GALNTL6: variants seen among roughly 807,000 people sequenced by gnomAD.
GALNTL6 encodes the protein polypeptide N-acetylgalactosaminyltransferase-like 6.
GALNTL6 carries 46 observed loss-of-function variants against 73.7 expected under a neutral mutation model. That is an observed-to-expected ratio of 0.62 (90% CI 0.49 to 0.80). GALNTL6 has a LOEUF of 0.80. Among genes scored for constraint, GALNTL6 ranks in the 30% least tolerant of loss-of-function variants. The probability of loss-of-function intolerance (pLI) is 0.00; values close to 1 mark genes in which losing one functional copy is unlikely to be tolerated. For missense variants in GALNTL6, 604 were observed against 755.0 expected (o/e 0.80, Z 2.34); for synonymous variants, 259 against 263.7 (o/e 0.98, Z 0.17).
chr4:172,892,057 A>C (rs1746061844), intron 8 of GALNTL6, among the ~76,000 whole-genome samples: 3 of 152,058 alleles, frequency 2.0e-5, no homozygotes, highest in African/African-American at 7.2e-5. Context: ...TTTTCTCTTG[A>C]ATTTCATTGA....
chr4:172,726,988 G>C (rs1263565102), intron 5 of GALNTL6, among the ~76,000 whole-genome samples: 1 of 152,076 alleles, frequency 6.6e-6, no homozygotes, highest in African/African-American at 2.4e-5. Context: ...GACTCTCAAA[G>C]GCGAAAGACA....
At chr4:172,205,445 T>C (rs183245867) in intron 2 of GALNTL6, among the ~76,000 whole-genome samples, 145 of 152,332 alleles carry the variant, frequency 9.5e-4, no homozygotes, top group Non-Finnish European at 1.5e-3. Context: ...TTTAGTGTCC[T>C]GAGCGACTTA....
intron 5 of GALNTL6, among the ~76,000 whole-genome samples, chr4:172,683,899 T>C (rs1017258903): frequency 1.3e-5 from 2 of 152,216 alleles, no homozygotes; most frequent in African/African-American, 4.8e-5. Context: ...CAGTTTCAAC[T>C]GCAGGCATTA....
intron 2 of GALNTL6, among the ~76,000 whole-genome samples, chr4:172,125,429 C>A (rs755105242): frequency 3.9e-4 from 59 of 152,126 alleles, no homozygotes; most frequent in Admixed American, 1.4e-3. Flanking sequence ...TTACTAAGAG[C>A]AAACACTTCA....
intron 5 of GALNTL6, among the ~76,000 whole-genome samples, chr4:172,434,246 G>A (rs963400026): frequency 4.6e-5 from 7 of 151,980 alleles, no homozygotes; most frequent in African/African-American, 1.7e-4. Context: ...TGTTATACAA[G>A]ACATATTTGG....
intron 7 of GALNTL6, among the ~76,000 whole-genome samples, chr4:172,842,104 A>G (rs1024072025): frequency 2.6e-5 from 4 of 152,230 alleles, no homozygotes; most frequent in Non-Finnish European, 5.9e-5. Context: ...GTCAGAGTTC[A>G]CAAGTAGCAG....
chr4:171,897,589 G>A (rs948249820), intron 2 of GALNTL6, among the ~76,000 whole-genome samples: 27 of 152,204 alleles, frequency 1.8e-4, no homozygotes, highest in African/African-American at 4.8e-4. Context: ...TTGGGAGGCC[G>A]AGGCATGTGG....
At chr4:172,077,219 A>C (rs990605581) in intron 2 of GALNTL6, among the ~76,000 whole-genome samples, 13 of 152,198 alleles carry the variant, frequency 8.5e-5, no homozygotes, top group Admixed American at 8.5e-4. Context: ...CTATAAAGAT[A>C]CCTGAAAATG....
At chr4:171,903,218 T>C (rs1737156287) in intron 2 of GALNTL6, among the ~76,000 whole-genome samples, 1 of 152,072 alleles carries the variant, frequency 6.6e-6, no homozygotes, top group Non-Finnish European at 1.5e-5. Flanking sequence ...TTTCTGCATT[T>C]CCATCTGAGG....
chr4:172,806,912 G>C (rs1740994741), intron 5 of GALNTL6, among the ~76,000 whole-genome samples: 1 of 152,156 alleles, frequency 6.6e-6, no homozygotes, highest in African/African-American at 2.4e-5. Flanking sequence ...ATAAATTACA[G>C]TAATGAGATT....
intron 2 of GALNTL6, among the ~76,000 whole-genome samples, chr4:172,188,189 A>G (rs1388225768): frequency 1.3e-5 from 2 of 152,226 alleles, no homozygotes; most frequent in Non-Finnish European, 2.9e-5. Context: ...AGGTTTGACC[A>G]TAACGCATAC....
chr4:172,141,882 A>AAC (rs200060015), intron 2 of GALNTL6, among the ~76,000 whole-genome samples: 18 of 108,948 alleles, frequency 1.7e-4, no homozygotes, highest in African/African-American at 3.9e-4. Flanking sequence ...AACACACACA[A>AAC]ACACACACAC....
intron 5 of GALNTL6, among the ~76,000 whole-genome samples, chr4:172,369,496 G>A (rs1284445792): frequency 1.3e-5 from 2 of 152,196 alleles, no homozygotes; most frequent in South Asian, 2.1e-4. Context: ...TTGGGCGGTC[G>A]ATGGGAGTGG....
At chr4:172,454,081 G>T (rs1036580158) in intron 5 of GALNTL6, among the ~76,000 whole-genome samples, 1 of 152,186 alleles carries the variant, frequency 6.6e-6, no homozygotes, top group Non-Finnish European at 1.5e-5. Flanking sequence ...TAATGTTTCA[G>T]TGGAGGAAAA....
At chr4:172,481,341 T>G (rs772218326) in intron 5 of GALNTL6, among the ~76,000 whole-genome samples, 2 of 126,382 alleles carry the variant, frequency 1.6e-5, no homozygotes, top group Non-Finnish European at 3.6e-5. Context: ...ATAAAGGCAG[T>G]GCGGACCCAA....
intron 2 of GALNTL6, chr4:171,816,055 A>G (rs1734516640): frequency 2.0e-5 from 3 of 152,156 alleles, no homozygotes; most frequent in African/African-American, 2.4e-5. Flanking sequence ...AAGAAGATGG[A>G]CACTTTGGAT....
chr4:172,620,227 A>G (rs534449322), intron 5 of GALNTL6, among the ~76,000 whole-genome samples: 17 of 152,272 alleles, frequency 1.1e-4, no homozygotes, highest in African/African-American at 4.1e-4. Flanking sequence ...CTCCAATATA[A>G]AAAGGGTGTA....
intron 2 of GALNTL6, among the ~76,000 whole-genome samples, chr4:171,954,513 A>T (rs903277481): frequency 2.0e-5 from 3 of 152,232 alleles, no homozygotes; most frequent in Non-Finnish European, 4.4e-5. Flanking sequence ...GATTCATGCA[A>T]AGTTAAAATA....
chr4:172,365,892 C>A (rs1046759302), intron 5 of GALNTL6, among the ~76,000 whole-genome samples: 1 of 151,882 alleles, frequency 6.6e-6, no homozygotes, highest in African/African-American at 2.4e-5. Context: ...CCATTAAGAT[C>A]TTTGTTATGT....
Sources: allele counts gnomAD v4.1 joint callset (sites outside exome capture counted in the v4.1 genomes callset), GRCh38; gene constraint gnomAD v4.1.1; transcripts MANE v1.5; gene names NCBI Gene and HGNC (gene_info 2026-07-23, HGNC 2026-07-21).